The following BMP2 variants were observed in gnomAD, a reference collection of about 807,000 sequenced individuals.
BMP2 encodes bone morphogenetic protein 2A.
A neutral mutation model predicts 28.8 loss-of-function variants in BMP2; 2 were observed. That is an observed-to-expected ratio of 0.07 (90% CI 0.03 to 0.22). The LOEUF (loss-of-function observed/expected upper bound fraction) is 0.22, where lower values mean the gene tolerates loss of function less well. BMP2 is among the 10% of genes least tolerant of loss of function. The probability of loss-of-function intolerance (pLI) is 1.00; values close to 1 mark genes in which losing one functional copy is unlikely to be tolerated. For synonymous variants in BMP2, 218 were observed against 204.3 expected (o/e 1.07, Z -0.57); for missense variants, 437 against 517.7 (o/e 0.84, Z 1.51).
At chr20:6,773,784 T>G (rs1986446364) in intron 2 of BMP2, among the ~76,000 whole-genome samples, 1 of 152,220 alleles carries the variant, frequency 6.6e-6, no homozygotes, top group Non-Finnish European at 1.5e-5. Context: ...CTGGAAAATC[T>G]TATATTATAC....
At chr20:6,770,068 G>A (rs1027134192) in intron 1 of BMP2, 52 bp from the exon 2 acceptor site, 2 of 1,472,110 alleles carry the variant, frequency 1.4e-6, no homozygotes, top group Non-Finnish European at 1.8e-6. Flanking sequence ...GGGGCGCGAG[G>A]GGGGAGGACT....
At position 6,770,449 on chromosome 20, in the gene BMP2, C is replaced by A; in HGVS notation, c.323C>A (p.Thr108Asn). Residue 108 changes from threonine (T) to asparagine (N), a missense_variant, in exon 2 of 3, where the codon ACT becomes AAT. Thr to Asn is a moderately conservative substitution (Grantham distance 65). This residue lies in a region of BMP2 where 363 missense variants were observed against 392.8 expected (regional missense o/e 0.92). Coordinates refer to ENST00000378827, the MANE Select transcript of BMP2 (RefSeq NM_001200.4). Reference sequence around the variant, plus strand: ...GAGAGGGCAGCCAGCCGAGCCAACACTGTGCGCAGCTTCCACCATGAAGGT... The same window carrying A: ...GAGAGGGCAGCCAGCCGAGCCAACAATGTGCGCAGCTTCCACCATGAAGGT... Reference protein sequence around the residue: ...RLERAASRANTVRSFHHEESL... With the variant: ...RLERAASRANNVRSFHHEESL... 1.3e-6 allele frequency: 2 copies of A among 1,599,900 alleles called. No individual in the cohort carries two copies. The highest frequency in any genetic ancestry group is 1.7e-6 in the Non-Finnish European group (2 of 1,170,530).
chr20:6,767,789 A>G lies in BMP2; in HGVS notation c.-1094A>G, dbSNP rs911376427. On this transcript the variant is annotated 5_prime_UTR_variant, in exon 1 of 3. Coordinates refer to ENST00000378827, the MANE Select transcript of BMP2 (RefSeq NM_001200.4). ...TTCCCACACCCCGCCGGGGACTGGC[A>G]GCCGCCGCCGCACATCTGCCGCCAC... 2.4e-5 allele frequency: 7 copies of G among 287,066 alleles called. No individual in the cohort carries two copies. Among genetic ancestry groups the G allele is most frequent in the Non-Finnish European group, 4.5e-5 (7 of 156,086 alleles). 17.8% of individuals were successfully genotyped at this position (287,066 alleles called of 1,614,324 possible).
At chr20:6,777,225 T>C (rs1986518222) in intron 2 of BMP2, among the ~76,000 whole-genome samples, 1 of 152,200 alleles carries the variant, frequency 6.6e-6, no homozygotes, top group Non-Finnish European at 1.5e-5. Context: ...GACAAAGCTT[T>C]TGTGCATGGC....
At chr20:6,774,578 T>C (rs1288879684) in intron 2 of BMP2, among the ~76,000 whole-genome samples, 1 of 152,156 alleles carries the variant, frequency 6.6e-6, no homozygotes, top group Non-Finnish European at 1.5e-5. Flanking sequence ...AGAAGCGCAG[T>C]AGATTCAATT....
At chr20:6,773,109 C>T in intron 2 of BMP2, among the ~76,000 whole-genome samples, 1 of 152,228 alleles carries the variant, frequency 6.6e-6, no homozygotes, top group East Asian at 1.9e-4. Flanking sequence ...CTGAAGGACA[C>T]AGTCTTCTTT....
At chr20:6,772,480 A>G (rs185866858) in intron 2 of BMP2, among the ~76,000 whole-genome samples, 135 of 152,320 alleles carry the variant, frequency 8.9e-4, no homozygotes, top group African/African-American at 3.2e-3. Flanking sequence ...TTTCAAGACT[A>G]ATCATTGTTG....
chr20:6,773,353 C>A (rs1375111645), intron 2 of BMP2, among the ~76,000 whole-genome samples: 1 of 152,142 alleles, frequency 6.6e-6, no homozygotes, highest in Non-Finnish European at 1.5e-5. Flanking sequence ...CCTAGTGGCC[C>A]CAGGTATTTC....
At position 6,772,951 on chromosome 20, in the gene BMP2, C is replaced by G. The variant is rs538867378; in HGVS notation, c.346+2479C>G. 1.0e-3 allele frequency among the ~76,000 whole-genome samples: 153 copies of G among 152,278 alleles called. 1 individual carries two copies. The Middle Eastern group carries it at 0.01, about 10-fold the overall frequency. On this transcript the variant is annotated intron_variant, in intron 2 of 2. Coordinates refer to ENST00000378827, the MANE Select transcript of BMP2 (RefSeq NM_001200.4). ...AAACTGCCATTGAACATAGAAAAGTCAGTTCTGCAAGTGGAAAGAGTGTTT... is the reference window on the plus strand; with the variant it reads ...AAACTGCCATTGAACATAGAAAAGTGAGTTCTGCAAGTGGAAAGAGTGTTT...
At position 6,768,023 on chromosome 20, in the gene BMP2, C is replaced by G. The variant is rs1986287782; in HGVS notation, c.-860C>G. 2 of 397,810 alleles carry G rather than the reference C, an allele frequency of 5.0e-6. No homozygotes were observed. Among genetic ancestry groups the G allele is most frequent in the Non-Finnish European group, 8.9e-6 (2 of 225,708 alleles). 24.6% of individuals were successfully genotyped at this position (397,810 alleles called of 1,614,324 possible). On this transcript the variant is annotated 5_prime_UTR_variant, in exon 1 of 3. Coordinates refer to ENST00000378827, the MANE Select transcript of BMP2 (RefSeq NM_001200.4). ...ACTCCGGAGCCGATCCCTAGCGCCG[C>G]GATGCGGAGCACCTACTGCAGGAGA...
chr20:6,770,572 C>T, intron 2 of BMP2, 100 bp downstream of exon 2: 1 of 1,166,604 alleles, frequency 8.6e-7, no homozygotes. Flanking sequence ...TTGGCCGGGG[C>T]ACCAGCGGAC....
rs1487750314 is a variant in BMP2 at position 6,768,005 on chromosome 20, A to G, written c.-878A>G. Reference sequence around the variant, plus strand: ...GCGCGCAGAGCGCCGGGGACTCCGGAGCCGATCCCTAGCGCCGCGATGCGG... The same window carrying G: ...GCGCGCAGAGCGCCGGGGACTCCGGGGCCGATCCCTAGCGCCGCGATGCGG... On this transcript the variant is annotated 5_prime_UTR_variant, in exon 1 of 3. Coordinates refer to ENST00000378827, the MANE Select transcript of BMP2 (RefSeq NM_001200.4). The G allele has an allele frequency of 1.5e-4, 61 of 397,266 alleles. 1 individual carries two copies. The East Asian group carries it at 2.1e-3, about 14-fold the overall frequency. 24.6% of individuals were successfully genotyped at this position (397,266 alleles called of 1,614,324 possible).
chr20:6,772,638 C>A (rs1452361923), intron 2 of BMP2, among the ~76,000 whole-genome samples: 1 of 152,060 alleles, frequency 6.6e-6, no homozygotes, highest in Admixed American at 6.5e-5. Flanking sequence ...GAAAAAAGAC[C>A]ATAAAGACCC....
intron 2 of BMP2, among the ~76,000 whole-genome samples, chr20:6,773,578 AAG>A (rs1986441373): frequency 6.6e-6 from 1 of 152,220 alleles, no homozygotes; most frequent in Non-Finnish European, 1.5e-5. Flanking sequence ...CTGAGACAAT[AAG>A]AGAATATTTC....
Position 6,779,130 on chromosome 20 carries a change from A to G in BMP2, c.*41A>G. The G allele has an allele frequency of 1.1e-6, 1 of 945,206 alleles. No homozygotes were observed. The highest frequency in any genetic ancestry group is 1.3e-6 in the Non-Finnish European group (1 of 745,150). The allele number at this position is 945,206 out of a possible 1,614,324, so 58.6% of individuals were successfully genotyped here. ...TACATAAATATATATATATATATATATTTTAGAAAAAAGAAAAAAACAAAC... is the reference window on the plus strand; with the variant it reads ...TACATAAATATATATATATATATATGTTTTAGAAAAAAGAAAAAAACAAAC... On this transcript the variant is annotated 3_prime_UTR_variant, in exon 3 of 3. Transcript: ENST00000378827.
chr20:6,775,064 G>A (rs116815994), intron 2 of BMP2, among the ~76,000 whole-genome samples: 1,668 of 152,190 alleles, frequency 0.011, 37 homozygotes, highest in African/African-American at 0.038. Flanking sequence ...AAGACAGGTC[G>A]AAATCCTCAA....
intron 1 of BMP2, among the ~76,000 whole-genome samples, chr20:6,769,801 C>T (rs975165281): frequency 1.3e-5 from 2 of 152,128 alleles, no homozygotes; most frequent in Non-Finnish European, 2.9e-5. Flanking sequence ...CCGGCATTGG[C>T]TGTCAGCGCT....
chr20:6,777,549 G>A (rs561655904), intron 2 of BMP2, among the ~76,000 whole-genome samples: 39 of 152,254 alleles, frequency 2.6e-4, no homozygotes, highest in Middle Eastern at 3.4e-3. Context: ...AGTTGGGAAA[G>A]CTATTTCTCT....
chr20:6,775,105 G>C (rs1482452490), intron 2 of BMP2, among the ~76,000 whole-genome samples: 1 of 152,132 alleles, frequency 6.6e-6, no homozygotes, highest in Non-Finnish European at 1.5e-5. Flanking sequence ...TATTCAGGAA[G>C]GGATATTTAC....
Sources: allele counts gnomAD v4.1 joint callset (sites outside exome capture counted in the v4.1 genomes callset), GRCh38; gene constraint gnomAD v4.1.1; regional missense constraint gnomAD v4.1.1; transcripts MANE v1.5; gene names NCBI Gene and HGNC (gene_info 2026-07-23, HGNC 2026-07-21).